The following DENND2A variants were observed in gnomAD, a reference collection of about 807,000 sequenced individuals.
DENND2A encodes the protein DENN domain containing 2A, also known as DENN domain-containing protein 2A.
A neutral mutation model predicts 105.3 loss-of-function variants in DENND2A; 53 were observed. That is an observed-to-expected ratio of 0.50 (90% CI 0.40 to 0.63). The LOEUF is 0.63. DENND2A is among the 30% of genes least tolerant of loss of function. The pLI is 0.00. For synonymous variants in DENND2A, 522 were observed against 508.4 expected, an observed-to-expected ratio of 1.03 and a Z score of -0.36; for missense variants, 1,138 against 1,279.6, an observed-to-expected ratio of 0.89 and a Z score of 1.69.
intron 9 of DENND2A, among the ~76,000 whole-genome samples, chr7:140,565,715 A>T (rs1456581058): frequency 6.6e-6 from 1 of 152,114 alleles, no homozygotes; most frequent in Non-Finnish European, 1.5e-5. Flanking sequence ...GGCTGGGTAA[A>T]ATGAGGCTGA....
intron 1 of DENND2A, among the ~76,000 whole-genome samples, chr7:140,627,009 G>C (rs1459380915): frequency 6.6e-6 from 1 of 152,160 alleles, no homozygotes; most frequent in Non-Finnish European, 1.5e-5. Flanking sequence ...CTGTAAAATG[G>C]TGATAATGGT....
intron 10 of DENND2A, among the ~76,000 whole-genome samples, chr7:140,558,684 A>G (rs1258450338): frequency 1.4e-5 from 2 of 143,304 alleles, no homozygotes; most frequent in African/African-American, 5.2e-5. Flanking sequence ...GGAAGAAGCG[A>G]GACTCTATCT....
intron 3 of DENND2A, among the ~76,000 whole-genome samples, chr7:140,592,127 C>T (rs934165739): frequency 6.7e-6 from 1 of 149,678 alleles, no homozygotes; most frequent in African/African-American, 2.5e-5. Context: ...GCAGCCTCTG[C>T]CCTCTGGGTT....
rs766831304 is a variant in DENND2A, at chr7:140,521,896, C to T, written c.2870G>A (p.Gly957Asp). The change falls in exon 18 of 20, where the codon GGC becomes GAC. Residue 957 changes from glycine (G) to aspartate (D), a missense_variant. Transcript: ENST00000496613. The part of the protein sequence containing the change: ...EVFMETQMFR[G>D]FIQERELRRQ... Reference sequence around the variant, plus strand: ...GCGCAGCTCCCGCTCCTGGATGAAGCCCCGAAACATCTGAGTCTCCATGAA... The same window carrying T: ...GCGCAGCTCCCGCTCCTGGATGAAGTCCCGAAACATCTGAGTCTCCATGAA... 1 of 1,614,140 alleles carries T rather than the reference C, an allele frequency of 6.2e-7. No homozygotes were observed. Among genetic ancestry groups the T allele is most frequent in the South Asian group, 1.1e-5 (1 of 91,086 alleles).
chr7:140,618,689 T>C (rs1800172574), intron 1 of DENND2A, among the ~76,000 whole-genome samples: 1 of 152,226 alleles, frequency 6.6e-6, no homozygotes, highest in Non-Finnish European at 1.5e-5. Context: ...GCAACTGTTT[T>C]ATACTTCTAC....
At chr7:140,531,507 T>C (rs997712878) in intron 14 of DENND2A, among the ~76,000 whole-genome samples, 10 of 152,050 alleles carry the variant, frequency 6.6e-5, no homozygotes, top group Admixed American at 2.0e-4. Flanking sequence ...TAAATAACTA[T>C]CTGTGTGTGA....
At chr7:140,557,757 C>G (rs1797437701) in intron 11 of DENND2A, among the ~76,000 whole-genome samples, 1 of 149,874 alleles carries the variant, frequency 6.7e-6, no homozygotes, top group Non-Finnish European at 1.5e-5. Flanking sequence ...CCAGGATGGT[C>G]TCGATCTCCT....
intron 3 of DENND2A, 120 bp downstream of exon 3, chr7:140,601,283 C>T: frequency 2.2e-6 from 3 of 1,357,154 alleles, no homozygotes; most frequent in Non-Finnish European, 3.0e-6. Flanking sequence ...ACCATCTGGA[C>T]TACAAGATCC....
intron 1 of DENND2A, among the ~76,000 whole-genome samples, chr7:140,610,923 A>G (rs1354563529): frequency 6.6e-6 from 1 of 152,236 alleles, no homozygotes; most frequent in Non-Finnish European, 1.5e-5. Flanking sequence ...AGCAAAGGCA[A>G]TCTGGAAACA....
At chr7:140,555,031 C>A (rs1016002644) in intron 12 of DENND2A, among the ~76,000 whole-genome samples, 2 of 152,114 alleles carry the variant, frequency 1.3e-5, no homozygotes, top group Admixed American at 6.6e-5. Flanking sequence ...AAATAAAACA[C>A]CTGGAATATT....
rs1801134793 is a variant in DENND2A at position 140,640,134 on chromosome 7, C to CACACAG, written c.-248+364_-248+369dup. Reference sequence around the variant, plus strand: ...ACACACACTCGCACAGACACACTCACACACAGACACACAAGCGCGCACACA... The same window carrying CACACAG: ...ACACACACTCGCACAGACACACTCACACACAGACACAGACACACAAGCGCGCACACA... On this transcript the variant is annotated intron_variant, in intron 1 of 19. Transcript: ENST00000496613. This position sits in a 1 kb window ranked among gnomAD's most constrained non-coding sequence, Gnocchi z 4.9. 1 of 152,876 alleles carries CACACAG rather than the reference C, an allele frequency of 6.5e-6. No individual in the cohort carries two copies. The highest frequency in any genetic ancestry group is 1.5e-5 in the Non-Finnish European group (1 of 68,766). The allele number at this position is 152,876 out of a possible 1,614,324, so 9.5% of individuals were successfully genotyped here.
Position 140,519,613 on chromosome 7 carries a change from C to T in DENND2A, c.2998+19G>A, listed in dbSNP as rs1795779576. ...GCTCAGAGGCACACAGGCTGGGCAC[C>T]CAGAGCCCGGGGCCTTACCTAGTCC... On this transcript the variant is annotated intron_variant, in intron 19 of 19. Transcript: ENST00000496613. 6 of 1,611,568 alleles carry T rather than the reference C, an allele frequency of 3.7e-6. No homozygotes were observed. The highest frequency in any genetic ancestry group is 2.2e-5 in the East Asian group (1 of 44,840).
intron 2 of DENND2A, among the ~76,000 whole-genome samples, chr7:140,604,790 C>A (rs544498691): frequency 6.6e-6 from 1 of 152,314 alleles, no homozygotes; most frequent in African/African-American, 2.4e-5. Context: ...CTTCTGTAGA[C>A]TGAAACTCTA....
chr7:140,590,502 C>T (rs1034297676), intron 3 of DENND2A, among the ~76,000 whole-genome samples: 3 of 152,160 alleles, frequency 2.0e-5, no homozygotes, highest in Middle Eastern at 3.2e-3. Context: ...CTGTCAGACA[C>T]CTGGGATTTC....
Position 140,559,746 on chromosome 7 carries a change from G to C in DENND2A, c.1851C>G (p.Pro617=). The part of the protein sequence containing the change: ...QLKAIPQFCF[P]DAKDWVPVQQ... ...GGACAGGAACCCAATCCTTGGCATC[G>C]GGAAAACAGAACTGGGGAATGGCCT... Residue 617 remains proline, a synonymous_variant, in exon 10 of 20, where the codon CCC becomes CCG. Transcript: ENST00000496613. This position sits in a 1 kb window ranked among gnomAD's most constrained non-coding sequence, Gnocchi z 4.1. 6.2e-7 allele frequency: 1 copy of C among 1,614,134 alleles called. No individual in the cohort carries two copies. Among genetic ancestry groups the C allele is most frequent in the Non-Finnish European group, 8.5e-7 (1 of 1,180,016 alleles).
chr7:140,639,839 C>T (rs539528931), intron 1 of DENND2A, among the ~76,000 whole-genome samples: 48 of 152,266 alleles, frequency 3.2e-4, no homozygotes, highest in Admixed American at 2.7e-3. Context: ...TGTCCCAGGC[C>T]CCCCATGACA....
At chr7:140,575,359 T>G (rs1563152547) in intron 5 of DENND2A, among the ~76,000 whole-genome samples, 1 of 152,160 alleles carries the variant, frequency 6.6e-6, no homozygotes, top group Non-Finnish European at 1.5e-5. Flanking sequence ...ACTCCCACAC[T>G]GTCATACAGG....
rs113602766 is a variant in DENND2A, at chr7:140,521,641, A to T, written c.2911+214T>A. ...AGGAGACCCTGCCACAGACACTGGA[A>T]TGTGGTTCTGGGAGAGGCTGGCAGA... On this transcript the variant is annotated intron_variant, in intron 18 of 19. Coordinates refer to ENST00000496613, the MANE Select transcript of DENND2A (RefSeq NM_015689.5). Among the ~76,000 whole-genome samples the T allele has an allele frequency of 2.2e-4, 33 of 152,334 alleles. 4 individuals carry two copies. Among genetic ancestry groups the T allele is most frequent in the African/African-American group, 7.7e-4 (32 of 41,580 alleles).
intron 1 of DENND2A, among the ~76,000 whole-genome samples, chr7:140,630,022 G>A (rs549883178): frequency 7.3e-5 from 11 of 151,696 alleles, no homozygotes; most frequent in Admixed American, 3.3e-4. Flanking sequence ...CACCATGCCC[G>A]GCTAATTTTT....
Sources: allele counts gnomAD v4.1 joint callset (sites outside exome capture counted in the v4.1 genomes callset), GRCh38; gene constraint gnomAD v4.1.1; non-coding constraint Gnocchi (gnomAD v3.1); transcripts MANE v1.5; gene names NCBI Gene and HGNC (gene_info 2026-07-23, HGNC 2026-07-21).